The following ADAMTS6 variants were observed in gnomAD, a reference collection of about 807,000 sequenced individuals.
ADAMTS6 encodes ADAM metallopeptidase with thrombospondin type 1 motif 6, also known as A disintegrin and metalloproteinase with thrombospondin motifs 6.
Under a neutral mutation model 144.3 loss-of-function variants are expected in ADAMTS6, and 23 were observed. That is an observed-to-expected ratio of 0.16 (90% CI 0.11 to 0.23). The LOEUF is 0.23. Among genes scored for constraint, ADAMTS6 ranks in the 10% least tolerant of loss-of-function variants. ADAMTS6 has a pLI of 1.00. For synonymous variants in ADAMTS6, 444 were observed against 457.5 expected, an observed-to-expected ratio of 0.97 and a Z score of 0.38; for missense variants, 999 against 1,379.6, an observed-to-expected ratio of 0.72 and a Z score of 4.37.
chr5:65,425,261 C>T (rs1175215017), intron 7 of ADAMTS6, among the ~76,000 whole-genome samples: 1 of 152,204 alleles, frequency 6.6e-6, no homozygotes, highest in Non-Finnish European at 1.5e-5. Flanking sequence ...CTCCTGACCT[C>T]AGGTGATCCG....
Position 65,448,614 on chromosome 5 carries a change from G to A in ADAMTS6, c.1073+2861C>T, listed in dbSNP as rs545656901. Among the ~76,000 whole-genome samples, 10 of 152,058 alleles carry A rather than the reference G, an allele frequency of 6.6e-5. No individual in the cohort carries two copies. The East Asian group carries it at 1.9e-3, about 29-fold the overall frequency. On this transcript the variant is annotated intron_variant, in intron 7 of 24. Transcript: ENST00000381055. Reference sequence around the variant, plus strand: ...ACTACAGGCGCCCGCAACCACGCCTGGCTAGTTTTTTTTGTATTTTTAGTA... The same window carrying A: ...ACTACAGGCGCCCGCAACCACGCCTAGCTAGTTTTTTTTGTATTTTTAGTA...
At chr5:65,323,855 T>C (rs1417048806) in intron 9 of ADAMTS6, among the ~76,000 whole-genome samples, 6 of 152,340 alleles carry the variant, frequency 3.9e-5, no homozygotes, top group South Asian at 2.1e-4. Context: ...GATTTGCATT[T>C]CTCTGATGGC....
intron 21 of ADAMTS6, among the ~76,000 whole-genome samples, chr5:65,195,406 T>C (rs1020056650): frequency 4.6e-5 from 7 of 152,198 alleles, no homozygotes; most frequent in African/African-American, 1.7e-4. Flanking sequence ...CAATGTAAAA[T>C]TGCAAAAGTC....
chr5:65,355,277 A>G (rs957119242), intron 7 of ADAMTS6, among the ~76,000 whole-genome samples: 8 of 151,816 alleles, frequency 5.3e-5, no homozygotes, highest in Non-Finnish European at 3.0e-5. Context: ...CAAGGTGGTG[A>G]CTTTTTTAGA....
intron 11 of ADAMTS6, among the ~76,000 whole-genome samples, chr5:65,277,906 G>A (rs1278329169): frequency 6.6e-6 from 1 of 152,062 alleles, no homozygotes; most frequent in Non-Finnish European, 1.5e-5. Context: ...ATACCGTGGT[G>A]AATTTTGAGA....
rs1010483333 is a variant in ADAMTS6 at position 65,260,668 on chromosome 5, A to G, written c.1767-5T>C. The G allele has an allele frequency of 1.2e-6, 2 of 1,612,382 alleles. No individual in the cohort carries two copies. Among genetic ancestry groups the G allele is most frequent in the African/African-American group, 1.3e-5 (1 of 74,856 alleles). Reference sequence around the variant, plus strand: ...TATTTTCCACCTCCTGAAGGTCTGAAAAAACATTGTGTTTAAAATGTGAAT... The same window carrying G: ...TATTTTCCACCTCCTGAAGGTCTGAGAAAACATTGTGTTTAAAATGTGAAT... On this transcript the variant is annotated splice_polypyrimidine_tract_variant and splice_region_variant and intron_variant, in intron 13 of 24. Transcript: ENST00000381055.
At chr5:65,414,049 A>ATATC (rs1406135730) in intron 7 of ADAMTS6, among the ~76,000 whole-genome samples, 3 of 152,164 alleles carry the variant, frequency 2.0e-5, no homozygotes, top group Non-Finnish European at 4.4e-5. Flanking sequence ...ACCCTCATGT[A>ATATC]CAAAGTGCCC....
chr5:65,428,563 A>ACTT (rs1756746764), intron 7 of ADAMTS6, among the ~76,000 whole-genome samples: 1 of 152,246 alleles, frequency 6.6e-6, no homozygotes, highest in Non-Finnish European at 1.5e-5. Flanking sequence ...TTCAAGAAGT[A>ACTT]CTTAACTGCC....
chr5:65,476,713 A>T (rs1177558366), intron 1 of ADAMTS6, among the ~76,000 whole-genome samples: 2 of 151,890 alleles, frequency 1.3e-5, no homozygotes, highest in Non-Finnish European at 2.9e-5. Flanking sequence ...GGTTCAAGTG[A>T]TTCTCCTGCC....
At chr5:65,417,812 A>G (rs2150193495) in intron 7 of ADAMTS6, among the ~76,000 whole-genome samples, 1 of 152,328 alleles carries the variant, frequency 6.6e-6, no homozygotes, top group South Asian at 2.1e-4. Context: ...AAAGCAATCT[A>G]TGGATTCAAT....
chr5:65,299,321 G>A (rs1743148566), intron 10 of ADAMTS6, among the ~76,000 whole-genome samples: 1 of 152,126 alleles, frequency 6.6e-6, no homozygotes, highest in Non-Finnish European at 1.5e-5. Flanking sequence ...CTTAGAAAGT[G>A]AGACCCAAGT....
chr5:65,266,074 C>T (rs1761607917), intron 12 of ADAMTS6, among the ~76,000 whole-genome samples: 2 of 151,408 alleles, frequency 1.3e-5, no homozygotes, highest in African/African-American at 4.8e-5. Flanking sequence ...AAAAAATAGT[C>T]AGGTTTTTTC....
intron 9 of ADAMTS6, among the ~76,000 whole-genome samples, chr5:65,323,245 T>C (rs1745801937): frequency 1.3e-5 from 2 of 148,942 alleles, no homozygotes; most frequent in Admixed American, 1.3e-4. Flanking sequence ...TAGGTATATC[T>C]CCTAATGCTA....
chr5:65,368,285 A>T (rs1349462870), intron 7 of ADAMTS6, among the ~76,000 whole-genome samples: 1 of 152,164 alleles, frequency 6.6e-6, no homozygotes, highest in African/African-American at 2.4e-5. Flanking sequence ...TTTCTTTTGG[A>T]TCCTGATGCT....
chr5:65,370,842 C>A (rs2150119007), intron 7 of ADAMTS6, among the ~76,000 whole-genome samples: 1 of 152,354 alleles, frequency 6.6e-6, no homozygotes, highest in Non-Finnish European at 1.5e-5. Flanking sequence ...AACAAAAAGA[C>A]AGCAGTAACC....
chr5:65,415,754 G>A, intron 7 of ADAMTS6: 1 of 240,210 alleles, frequency 4.2e-6, no homozygotes, highest in South Asian at 4.8e-5. Context: ...GGCCAGGTAG[G>A]TCTGGGTGCT....
At chr5:65,168,700 G>C (rs1477037957) in intron 24 of ADAMTS6, among the ~76,000 whole-genome samples, 2 of 129,300 alleles carry the variant, frequency 1.5e-5, no homozygotes, top group African/African-American at 5.2e-5. Context: ...TAGATCAATG[G>C]AACAGAACAG....
At chr5:65,387,833 C>T (rs1752597185) in intron 7 of ADAMTS6, among the ~76,000 whole-genome samples, 1 of 152,178 alleles carries the variant, frequency 6.6e-6, no homozygotes, top group Non-Finnish European at 1.5e-5. Flanking sequence ...ATTGAAACAA[C>T]AGTGAACTTA....
chr5:65,426,468 G>A (rs1756546949), intron 7 of ADAMTS6, among the ~76,000 whole-genome samples: 1 of 150,738 alleles, frequency 6.6e-6, no homozygotes, highest in African/African-American at 2.4e-5. Flanking sequence ...GGACACTTGG[G>A]GGAAAAAATG....
Sources: allele counts gnomAD v4.1 joint callset (sites outside exome capture counted in the v4.1 genomes callset), GRCh38; gene constraint gnomAD v4.1.1; transcripts MANE v1.5; gene names NCBI Gene and HGNC (gene_info 2026-07-23, HGNC 2026-07-21).